Variants in KRT34 observed in about 807,000 individuals in gnomAD.
KRT34 encodes the protein keratin, type I cuticular Ha4.
KRT34 carries 31 observed loss-of-function variants against 41.7 expected under a neutral mutation model. The observed-to-expected ratio is 0.74, with a 90% CI of 0.56 to 1.00. The LOEUF (loss-of-function observed/expected upper bound fraction) is 1.00, where lower values mean the gene tolerates loss of function less well. Among genes scored for constraint, KRT34 ranks in the 50% least tolerant of loss-of-function variants. The probability of loss-of-function intolerance (pLI) is 0.00; values close to 1 mark genes in which losing one functional copy is unlikely to be tolerated. For missense variants in KRT34, 523 were observed against 500.3 expected, an observed-to-expected ratio of 1.05 and a Z score of -0.43; for synonymous variants, 224 against 212.9, an observed-to-expected ratio of 1.05 and a Z score of -0.45.
rs201960842 is a variant in KRT34, at chr17:41,381,773, T to C, written c.371A>G (p.Asn124Ser). 17 of 1,614,246 alleles carry C rather than the reference T, an allele frequency of 1.1e-5. No homozygotes were observed. Among genetic ancestry groups the C allele is most frequent in the Non-Finnish European group, 1.4e-5 (16 of 1,180,032 alleles). The change falls in exon 2 of 7, where the codon AAT becomes AGT. Residue 124 changes from asparagine (N) to serine (S), a missense_variant. Coordinates refer to ENST00000394001, the MANE Select transcript of KRT34 (RefSeq NM_001386014.1). Reference sequence around the variant, plus strand: ...GTCAATGTTCACCACCAGCCTGGCATTCTCAGCCTTGGCACACAGAATCTG... The same window carrying C: ...GTCAATGTTCACCACCAGCCTGGCACTCTCAGCCTTGGCACACAGAATCTG... Reference protein sequence around the residue: ...QQKILCAKAENARLVVNIDNA... With the variant: ...QQKILCAKAESARLVVNIDNA...
intron 6 of KRT34, 143 bp downstream of exon 6, chr17:41,378,813 T>G (rs1418854521): frequency 2.0e-5 from 25 of 1,222,246 alleles, no homozygotes; most frequent in Non-Finnish European, 2.9e-5. Flanking sequence ...TGGCCTCCCT[T>G]TGCTTAGCTA....
rs771110114 is a variant in KRT34 at position 41,379,045 on chromosome 17, G to C, written c.1008C>G (p.Asn336Lys). 9.9e-6 allele frequency: 16 copies of C among 1,614,242 alleles called. No individual in the cohort carries two copies. Among genetic ancestry groups the C allele is most frequent in the Middle Eastern group, 1.6e-4 (1 of 6,062 alleles). ...AEIRCDLERQ[N>K]QEYQVLLDVR... Reference sequence around the variant, plus strand: ...CGTCCAGCAGCACCTGGTACTCCTGGTTCTGCCGCTCCAGGTCACAGCGGA... The same window carrying C: ...CGTCCAGCAGCACCTGGTACTCCTGCTTCTGCCGCTCCAGGTCACAGCGGA... The change falls in exon 6 of 7, where the codon AAC (asparagine) becomes AAG (lysine). Residue 336 changes from asparagine to lysine, a missense_variant. By Grantham distance (94) the Asn-to-Lys change is moderately conservative (BLOSUM62 0). Coordinates refer to ENST00000394001, the MANE Select transcript of KRT34 (RefSeq NM_001386014.1).
chr17:41,379,726 A>G lies in KRT34; in HGVS notation c.594T>C (p.Val198=), dbSNP rs2017939687. 6.3e-7 allele frequency: 1 copy of G among 1,598,470 alleles called. No individual in the cohort carries two copies. The highest frequency in any genetic ancestry group is 1.3e-5 in the African/African-American group (1 of 74,322). The change falls in exon 4 of 7, where the codon GTT becomes GTC. Residue 198 remains valine (V), a synonymous_variant. Coordinates refer to ENST00000394001, the MANE Select transcript of KRT34 (RefSeq NM_001386014.1). ...CTCCAAGCTGGGAGCGCAGGGTGTT[A>G]ACCTCCTGTTGGAGAAAAGGGAAAC... ...ICLKKNHEEE[V]NTLRSQLGDR...
At position 41,381,975 on chromosome 17, in the gene KRT34, C is replaced by G; in HGVS notation, c.272G>C (p.Arg91Pro). Residue 91 changes from arginine to proline, a missense_variant, in exon 1 of 7, where the codon CGG becomes CCG. Physicochemically the swap from Arg to Pro is moderately radical, Grantham distance 103. Transcript: ENST00000394001. ...CAGCAAGGGCTCCTGCTGCTGGGACCGCTCCTGGATGAGTTTCTCCAGCTC... is the reference window on the plus strand; with the variant it reads ...CAGCAAGGGCTCCTGCTGCTGGGACGGCTCCTGGATGAGTTTCTCCAGCTC... ...NAELEKLIQERSQQQEPLLCP... is the reference protein window; with the variant it reads ...NAELEKLIQEPSQQQEPLLCP... The G allele has an allele frequency of 1.2e-6, 2 of 1,614,280 alleles. No individual in the cohort carries two copies. Among genetic ancestry groups the G allele is most frequent in the Non-Finnish European group, 1.7e-6 (2 of 1,180,056 alleles).
At position 41,381,229 on chromosome 17, in the gene KRT34, G is replaced by T; in HGVS notation, c.432-17C>A. 6.2e-7 allele frequency: 1 copy of T among 1,608,266 alleles called. No individual in the cohort carries two copies. The highest frequency in any genetic ancestry group is 8.5e-7 in the Non-Finnish European group (1 of 1,176,486). On this transcript the variant is annotated splice_polypyrimidine_tract_variant and intron_variant, in intron 2 of 6. Coordinates refer to ENST00000394001, the MANE Select transcript of KRT34 (RefSeq NM_001386014.1). Reference sequence around the variant, plus strand: ...GTCTGGTACCTGCACGTGTCGGAGTGGGAGGATAAGTCAGGAAAGAAAACC... The same window carrying T: ...GTCTGGTACCTGCACGTGTCGGAGTTGGAGGATAAGTCAGGAAAGAAAACC...
chr17:41,381,136 T>A lies in KRT34; in HGVS notation c.508A>T (p.Thr170Ser), dbSNP rs141065519. 1 of 1,614,098 alleles carries A rather than the reference T, an allele frequency of 6.2e-7. No homozygotes were observed. The highest frequency in any genetic ancestry group is 8.5e-7 in the Non-Finnish European group (1 of 1,179,986). Reference protein sequence around the residue: ...NSIRRILDELTLCKSDLESQV... With the variant: ...NSIRRILDELSLCKSDLESQV... ...GACTCCAGGTCAGACTTGCAGAGGG[T>A]CAGCTCATCCAGGATCCTGCGTATG... is the stretch of plus-strand genomic sequence containing the variant. Residue 170 changes from threonine (T) to serine (S), a missense_variant, in exon 3 of 7, where the codon ACC becomes TCC. Thr to Ser is a moderately conservative substitution (Grantham distance 58). Transcript: ENST00000394001.
chr17:41,379,296 C>G, intron 5 of KRT34, 57 bp downstream of exon 5: 2 of 1,611,992 alleles, frequency 1.2e-6, no homozygotes, highest in Non-Finnish European at 1.7e-6. Context: ...AAGCACATCC[C>G]CGGGACTCTG....
At chr17:41,378,881 A>G (rs1426403022) in intron 6 of KRT34, 75 bp downstream of exon 6, 3 of 1,585,308 alleles carry the variant, frequency 1.9e-6, no homozygotes, top group Non-Finnish European at 2.6e-6. Context: ...CTAGTTGAAA[A>G]CATGGCCACC....
Position 41,377,981 on chromosome 17 carries a change from A to G in KRT34, c.*78T>C. On this transcript the variant is annotated 3_prime_UTR_variant, in exon 7 of 7. Transcript: ENST00000394001. The stretch of plus-strand genomic sequence containing the variant: ...TTTCTTGATGTCAGCTGAGCTCCAG[A>G]AAAGTCAGGACTTGAGGATCCTTCC... The G allele has an allele frequency of 9.5e-7, 1 of 1,053,244 alleles. No individual in the cohort carries two copies. The highest frequency in any genetic ancestry group is 1.3e-5 in the South Asian group (1 of 75,246). The allele number at this position is 1,053,244 out of a possible 1,614,324, so 65.2% of individuals were successfully genotyped here.
chr17:41,382,404 T>G, upstream of KRT34: 1 of 1,555,528 alleles, frequency 6.4e-7, no homozygotes, highest in East Asian at 2.3e-5. Flanking sequence ...AGCTAATTTT[T>G]CTCCAAAATA....
At chr17:41,382,337 A>T (rs776864171), upstream of KRT34, 24 of 1,613,062 alleles carry the variant, frequency 1.5e-5, no homozygotes, top group Admixed American at 3.8e-4. Context: ...GTCCTTTTAT[A>T]CCATTAATTG....
rs778666078 is a variant in KRT34 at position 41,382,165 on chromosome 17, C to T, written c.82G>A (p.Gly28Ser). 74 of 1,612,220 alleles carry T rather than the reference C, an allele frequency of 4.6e-5. No homozygotes were observed. Among genetic ancestry groups the T allele is most frequent in the South Asian group, 3.2e-4 (29 of 91,010 alleles). ...SRPCVPPSCH[G>S]YTLPGACNIP... Reference sequence around the variant, plus strand: ...TTGCAGGCCCCAGGCAGGGTGTAGCCGTGGCAGCTGGGGGGCACGCAGGGC... The same window carrying T: ...TTGCAGGCCCCAGGCAGGGTGTAGCTGTGGCAGCTGGGGGGCACGCAGGGC... Residue 28 changes from glycine (G) to serine (S), a missense_variant, in exon 1 of 7, where the codon GGC becomes AGC. Gly to Ser is a moderately conservative substitution (Grantham distance 56). Transcript: ENST00000394001.
upstream of KRT34, among the ~76,000 whole-genome samples, chr17:41,382,703 T>G (rs2018020737): frequency 1.3e-5 from 2 of 152,224 alleles, 1 homozygote; most frequent in South Asian, 4.1e-4. Context: ...GAGAGAGCTT[T>G]GAGAGTTACT....
At chr17:41,382,790 G>A (rs927078991), upstream of KRT34, among the ~76,000 whole-genome samples, 5 of 152,170 alleles carry the variant, frequency 3.3e-5, no homozygotes, top group African/African-American at 1.2e-4. Context: ...AACTCAACCT[G>A]TATTCGCCGA....
Position 41,379,082 on chromosome 17 carries a change from T to G in KRT34, c.971A>C (p.Gln324Pro), listed in dbSNP as rs775563371. 6.2e-7 allele frequency: 1 copy of G among 1,614,230 alleles called. No individual in the cohort carries two copies. The highest frequency in any genetic ancestry group is 8.5e-7 in the Non-Finnish European group (1 of 1,180,038). ...CAGGTCACAGCGGATCTCTGCCAGC[T>G]GAGACTCCACGTTGGTGATCAGGCT... is the stretch of plus-strand genomic sequence containing the variant. ...VQSLITNVESQLAEIRCDLER... is the reference protein window; with the variant it reads ...VQSLITNVESPLAEIRCDLER... The change falls in exon 6 of 7, where the codon CAG (glutamine) becomes CCG (proline). Residue 324 changes from glutamine to proline, a missense_variant. Physicochemically the swap from Gln to Pro is moderately conservative, Grantham distance 76. Transcript: ENST00000394001.
At position 41,377,940 on chromosome 17, in the gene KRT34, T is replaced by C. The variant is rs564449823; in HGVS notation, c.*119A>G. The C allele has an allele frequency of 1.7e-4, 119 of 693,138 alleles. No homozygotes were observed. The highest frequency in any genetic ancestry group is 3.8e-4 in the Middle Eastern group (1 of 2,616). 42.9% of individuals were successfully genotyped at this position (693,138 alleles called of 1,614,324 possible). A position where few individuals can be genotyped will look rare whatever the true frequency, so the allele number is the denominator to read the frequency against. ...GCTTTTCAGCATTCTAGAAATAACA[T>C]AGAGGCAAGATGAGGTTTCTTGATG... On this transcript the variant is annotated 3_prime_UTR_variant, in exon 7 of 7. Coordinates refer to ENST00000394001, the MANE Select transcript of KRT34 (RefSeq NM_001386014.1).
intron 6 of KRT34, among the ~76,000 whole-genome samples, chr17:41,378,477 G>A (rs992933463): frequency 9.2e-5 from 14 of 152,070 alleles, no homozygotes; most frequent in Non-Finnish European, 1.9e-4. Flanking sequence ...TTTTGGTAGC[G>A]ATGGGGTTTC....
At position 41,381,208 on chromosome 17, in the gene KRT34, G is replaced by A. The variant is rs759940586; in HGVS notation, c.436C>T (p.Gln146Ter). The A allele has an allele frequency of 6.2e-7, 1 of 1,613,684 alleles. No individual in the cohort carries two copies. Among genetic ancestry groups the A allele is most frequent in the African/African-American group, 1.3e-5 (1 of 75,018 alleles). The change falls in exon 3 of 7, where the codon CAG becomes TAG. Residue 146 changes from glutamine to a stop codon, truncating the protein, a stop_gained. Coordinates refer to ENST00000394001, the MANE Select transcript of KRT34 (RefSeq NM_001386014.1). LOFTEE classifies it high-confidence loss of function. ...AACAGCCTCAGGGACTGCTCCGTCT[G>A]GTACCTGCACGTGTCGGAGTGGGAG... Reference protein sequence around the residue: ...LASDDFRSKYQTEQSLRLLVE... With the variant: ...LASDDFRSKY
chr17:41,383,000 A>G (rs2018026350), upstream of KRT34, among the ~76,000 whole-genome samples: 1 of 151,924 alleles, frequency 6.6e-6, no homozygotes, highest in South Asian at 2.1e-4. Context: ...TTTTGTAAAT[A>G]AAGTTTTTGT....
Sources: allele counts gnomAD v4.1 joint callset (sites outside exome capture counted in the v4.1 genomes callset), GRCh38; gene constraint gnomAD v4.1.1; transcripts MANE v1.5; gene names NCBI Gene and HGNC (gene_info 2026-07-23, HGNC 2026-07-21).